Variants in SLC24A1 observed in about 807,000 individuals in gnomAD.
The protein encoded by SLC24A1 is sodium/potassium/calcium exchanger 1.
Under a neutral mutation model 88.1 loss-of-function variants are expected in SLC24A1, and 52 were observed. The ratio of observed to expected loss-of-function variants is 0.59; its 90% CI spans 0.47 to 0.74. SLC24A1 has a LOEUF of 0.74. SLC24A1 is among the 30% of genes least tolerant of loss of function. The pLI, the probability that SLC24A1 is intolerant of heterozygous loss-of-function variation, is 0.00. For missense variants in SLC24A1, 1,173 were observed against 1,363.3 expected (o/e 0.86, Z 2.20); for synonymous variants, 455 against 498.0 (o/e 0.91, Z 1.15).
intron 2 of SLC24A1, among the ~76,000 whole-genome samples, chr15:65,613,369 C>T (rs2141371131): frequency 6.6e-6 from 1 of 152,240 alleles, no homozygotes; most frequent in South Asian, 2.1e-4. Context: ...ATCTCAATCT[C>T]CCAGAGCACG....
At chr15:65,626,657 A>C (rs2074529906) in intron 2 of SLC24A1, among the ~76,000 whole-genome samples, 1 of 152,164 alleles carries the variant, frequency 6.6e-6, no homozygotes, top group Non-Finnish European at 1.5e-5. Flanking sequence ...CTTTCTCCTG[A>C]CCCATAAGTT....
chr15:65,638,645 T>G (rs2075018908), intron 3 of SLC24A1, among the ~76,000 whole-genome samples: 1 of 152,222 alleles, frequency 6.6e-6, no homozygotes. Flanking sequence ...GTGTCTTAGC[T>G]GTTTATAGTC....
chr15:65,650,748 G>C lies in SLC24A1; in HGVS notation c.2599G>C (p.Glu867Gln). The C allele has an allele frequency of 6.2e-7, 1 of 1,600,040 alleles. No homozygotes were observed. The highest frequency in any genetic ancestry group is 1.3e-5 in the African/African-American group (1 of 74,194). ...GDSEEEEEEE[E>Q]EQEEEEEEEE... The stretch of plus-strand genomic sequence containing the variant: ...TAGCGAAGAGGAGGAAGAGGAGGAG[G>C]AAGAGCAGGAGGAAGAGGAGGAGGA... The change falls in exon 7 of 10, where the codon GAA (glutamate) becomes CAA (glutamine). Residue 867 changes from glutamate (E) to glutamine (Q), a missense_variant. By Grantham distance (29) the Glu-to-Gln change is conservative (BLOSUM62 2). Transcript: ENST00000261892. This position sits in a 1 kb window ranked among gnomAD's most constrained non-coding sequence, Gnocchi z 4.1.
intron 2 of SLC24A1, among the ~76,000 whole-genome samples, chr15:65,629,207 T>C (rs2074622055): frequency 6.6e-6 from 1 of 152,250 alleles, no homozygotes; most frequent in Admixed American, 6.5e-5. Context: ...ACCTGATAGC[T>C]GTTGAGTTTC....
At chr15:65,660,163 GTAT>G (rs1313909869), downstream of SLC24A1, 3 of 668,628 alleles carry the variant, frequency 4.5e-6, no homozygotes, top group East Asian at 2.7e-5. Context: ...TATTGGAGTG[GTAT>G]TTACAAAGGA....
intron 2 of SLC24A1, among the ~76,000 whole-genome samples, chr15:65,633,278 A>C (rs1055712311): frequency 6.6e-6 from 1 of 152,222 alleles, no homozygotes; most frequent in African/African-American, 2.4e-5. Flanking sequence ...TAGTCTGAAA[A>C]AATGGATGTA....
downstream of SLC24A1, chr15:65,660,841 C>T (rs1461987983): frequency 6.6e-6 from 1 of 151,986 alleles, no homozygotes; most frequent in African/African-American, 2.4e-5. Flanking sequence ...CAGAATACCC[C>T]AGTAAGTCAT....
chr15:65,622,750 T>C (rs968164298), intron 1 of SLC24A1, among the ~76,000 whole-genome samples: 17 of 151,938 alleles, frequency 1.1e-4, no homozygotes, highest in Middle Eastern at 3.2e-3. Flanking sequence ...TTTCTTTTTT[T>C]TTTTTCTTTG....
In SLC24A1 at chr15:65,624,812, C is replaced by A. The variant is rs2141462871; in HGVS notation, c.732C>A (p.Thr244=). ...TNSLKRIMEE[T]TPTTLKGMFD... Reference sequence around the variant, plus strand: ...CTCTTAAGAGAATAATGGAGGAAACCACCCCAACCACTCTCAAGGGAATGT... The same window carrying A: ...CTCTTAAGAGAATAATGGAGGAAACAACCCCAACCACTCTCAAGGGAATGT... The change falls in exon 2 of 10, where the codon ACC becomes ACA. Residue 244 remains threonine (T), a synonymous_variant. Coordinates refer to ENST00000261892, the MANE Select transcript of SLC24A1 (RefSeq NM_004727.3). 6.2e-7 allele frequency: 1 copy of A among 1,613,968 alleles called. No individual in the cohort carries two copies. The highest frequency in any genetic ancestry group is 8.5e-7 in the Non-Finnish European group (1 of 1,179,882).
intron 2 of SLC24A1, among the ~76,000 whole-genome samples, chr15:65,615,545 T>C (rs993945886): frequency 1.4e-4 from 21 of 151,912 alleles, no homozygotes; most frequent in African/African-American, 4.8e-4. Context: ...TAGCCGGCTG[T>C]CATGGCGGGC....
At chr15:65,646,058 G>A (rs2075290832) in intron 6 of SLC24A1, among the ~76,000 whole-genome samples, 1 of 152,058 alleles carries the variant, frequency 6.6e-6, no homozygotes, top group African/African-American at 2.4e-5. Flanking sequence ...AGGGATGCTG[G>A]GTGAAGGCTT....
intron 6 of SLC24A1, among the ~76,000 whole-genome samples, chr15:65,646,223 T>C (rs1010060771): frequency 6.6e-6 from 1 of 152,156 alleles, no homozygotes; most frequent in Non-Finnish European, 1.5e-5. Context: ...CTTGTCTCCA[T>C]GTTTTTCTTT....
intron 2 of SLC24A1, among the ~76,000 whole-genome samples, chr15:65,613,331 A>T (rs2074030563): frequency 6.6e-6 from 1 of 152,192 alleles, no homozygotes; most frequent in African/African-American, 2.4e-5. Context: ...GGGGCTAGGT[A>T]CTGGGGAGCT....
chr15:65,645,728 C>T, intron 6 of SLC24A1, 25 bp downstream of exon 6: 2 of 1,519,982 alleles, frequency 1.3e-6, no homozygotes. Context: ...TTGGCACAGA[C>T]AAAATTGGAG....
intron 2 of SLC24A1, among the ~76,000 whole-genome samples, chr15:65,631,895 G>T (rs986303456): frequency 1.3e-5 from 2 of 152,096 alleles, no homozygotes; most frequent in Non-Finnish European, 2.9e-5. Context: ...GCAGTGGCGC[G>T]ATCTCAGCTC....
rs1028701751 is a variant in SLC24A1 at position 65,650,306 on chromosome 15, A to C, written c.2233-76A>C. 2 of 1,269,766 alleles carry C rather than the reference A, an allele frequency of 1.6e-6. No individual in the cohort carries two copies. Among genetic ancestry groups the C allele is most frequent in the Non-Finnish European group, 2.2e-6 (2 of 920,208 alleles). The allele number at this position is 1,269,766 out of a possible 1,614,324, so 78.7% of individuals were successfully genotyped here. A position where few individuals can be genotyped will look rare whatever the true frequency, so the allele number is the denominator to read the frequency against. The stretch of plus-strand genomic sequence containing the variant: ...GATACCTTCTGAGAAGCACGCCAAC[A>C]AAAAAATGGGGGAGTAACATAAGGA... On this transcript the variant is annotated intron_variant, in intron 6 of 9. Transcript: ENST00000261892. The surrounding 1 kb of genome is among the most constrained non-coding windows in gnomAD (Gnocchi z 4.1).
Position 65,654,680 on chromosome 15 carries a change from C to G in SLC24A1, c.*601C>G. 7.9e-7 allele frequency: 1 copy of G among 1,271,252 alleles called. No individual in the cohort carries two copies. The highest frequency in any genetic ancestry group is 1.0e-6 in the Non-Finnish European group (1 of 983,848). 78.7% of individuals were successfully genotyped at this position (1,271,252 alleles called of 1,614,324 possible). A position where few individuals can be genotyped will look rare whatever the true frequency, so the allele number is the denominator to read the frequency against. The stretch of plus-strand genomic sequence containing the variant: ...TGATCATTCCACGTTTTGTAGCCCA[C>G]TGCATCTGGATATATACCAGTATTT... On this transcript the variant is annotated 3_prime_UTR_variant, in exon 10 of 10. Transcript: ENST00000261892.
In SLC24A1 at chr15:65,650,753, G is replaced by T; in HGVS notation, c.2604G>T (p.Glu868Asp). Residue 868 changes from glutamate to aspartate, a missense_variant, in exon 7 of 10, where the codon GAG becomes GAT. By Grantham distance (45) the Glu-to-Asp change is conservative. Transcript: ENST00000261892. This position sits in a 1 kb window ranked among gnomAD's most constrained non-coding sequence, Gnocchi z 4.1. ...AAGAGGAGGAAGAGGAGGAGGAAGA[G>T]CAGGAGGAAGAGGAGGAGGAGGAAG... ...DSEEEEEEEE[E>D]QEEEEEEEEQ... is the part of the protein sequence containing the mutation. 1 of 1,603,036 alleles carries T rather than the reference G, an allele frequency of 6.2e-7. No individual in the cohort carries two copies. Among genetic ancestry groups the T allele is most frequent in the South Asian group, 1.1e-5 (1 of 89,296 alleles).
At position 65,625,624 on chromosome 15, in the gene SLC24A1, G is replaced by A; in HGVS notation, c.1544G>A (p.Gly515Asp). 1.2e-6 allele frequency: 2 copies of A among 1,614,008 alleles called. No individual in the cohort carries two copies. The highest frequency in any genetic ancestry group is 1.7e-6 in the Non-Finnish European group (2 of 1,179,898). Residue 515 changes from glycine to aspartate, a missense_variant, in exon 2 of 10, where the codon GGT (glycine) becomes GAT (aspartate). Transcript: ENST00000261892. Reference protein sequence around the residue: ...SAPELFTSLIGVFISHSNVGI... With the variant: ...SAPELFTSLIDVFISHSNVGI... ...CCTGAGCTCTTCACCTCCCTCATCG[G>A]TGTCTTCATTTCCCACAGCAACGTG...
Sources: gnomAD v4.1 joint callset for allele counts (sites outside exome capture counted in the v4.1 genomes callset) on GRCh38, gnomAD v4.1.1 for gene constraint, Gnocchi (gnomAD v3.1) non-coding constraint, MANE v1.5 for transcripts, NCBI Gene and HGNC (gene_info 2026-07-23, HGNC 2026-07-21) for gene names.